PCDH11Y: variants seen among roughly 807,000 people sequenced by gnomAD.
PCDH11Y encodes the protein protocadherin 11 Y-linked, also known as protocadherin-11 Y-linked.
For synonymous variants in PCDH11Y, 9 were observed against 83.6 expected (o/e 0.11, Z 4.87); for missense variants, 12 against 224.8 (o/e 0.05, Z 6.05).
intron 4 of PCDH11Y, among the ~76,000 whole-genome samples, chrY:5,714,413 C>T (rs2053588921): frequency 3.0e-5 from 1 of 33,302 alleles, no homozygotes; most frequent in Non-Finnish European, 7.4e-5. Flanking sequence ...TGTGGCTACA[C>T]TTAAAGGCTT....
chrY:5,323,635 A>T, intron 2 of PCDH11Y, among the ~76,000 whole-genome samples: 2 of 34,178 alleles, frequency 5.9e-5, no homozygotes, highest in Non-Finnish European at 1.5e-4. Flanking sequence ...TTACCAAAAC[A>T]TCTCTAAAAA....
chrY:5,557,787 T>G, intron 3 of PCDH11Y, among the ~76,000 whole-genome samples: 1 of 32,395 alleles, frequency 3.1e-5, no homozygotes, highest in East Asian at 8.2e-4. Flanking sequence ...TTTTGTCCAT[T>G]TAATATGATG....
chrY:5,369,884 A>G (rs1475898270), intron 2 of PCDH11Y, among the ~76,000 whole-genome samples: 1 of 32,690 alleles, frequency 3.1e-5, no homozygotes, highest in Non-Finnish European at 7.5e-5. Flanking sequence ...CCTCCTCAAC[A>G]GTTATTCTTC....
intron 3 of PCDH11Y, among the ~76,000 whole-genome samples, chrY:5,567,061 G>GT (rs2053435814): frequency 5.6e-3 from 152 of 27,319 alleles, no homozygotes; most frequent in South Asian, 0.03. Context: ...ATGAGATTAT[G>GT]TTTTTTTTTT....
At chrY:5,338,397 G>A (rs2053140732) in intron 2 of PCDH11Y, 2 of 384,250 alleles carry the variant, frequency 5.2e-6, no homozygotes, top group African/African-American at 6.5e-5. Context: ...TTGAATCCAC[G>A]GCTTAACATT....
At chrY:5,649,930 A>T (rs2053529853) in intron 4 of PCDH11Y, among the ~76,000 whole-genome samples, 1 of 32,634 alleles carries the variant, frequency 3.1e-5, no homozygotes, top group Non-Finnish European at 7.6e-5. Flanking sequence ...GTTTTTTTTC[A>T]TGTCTTCTAA....
chrY:5,443,377 T>C, intron 2 of PCDH11Y, among the ~76,000 whole-genome samples: 2 of 33,225 alleles, frequency 6.0e-5, no homozygotes, highest in African/African-American at 1.2e-4. Context: ...ATTTACTTGT[T>C]GTAGAAACTG....
At chrY:5,360,820 G>A (rs2053173983) in intron 2 of PCDH11Y, among the ~76,000 whole-genome samples, 71 of 32,352 alleles carry the variant, frequency 2.2e-3, no homozygotes, top group African/African-American at 8.3e-3. Flanking sequence ...TTTGGGGGAA[G>A]CTTATTCCAA....
At chrY:5,647,604 T>G (rs2053528310) in intron 4 of PCDH11Y, among the ~76,000 whole-genome samples, 1 of 33,688 alleles carries the variant, frequency 3.0e-5, no homozygotes, top group South Asian at 6.6e-4. Flanking sequence ...CCTCCTGGAT[T>G]CAAGTGATTC....
intron 2 of PCDH11Y, among the ~76,000 whole-genome samples, chrY:5,242,875 C>G: frequency 3.0e-5 from 1 of 33,171 alleles, no homozygotes; most frequent in Non-Finnish European, 7.4e-5. Flanking sequence ...GTTATAAGAA[C>G]AAAAAATCAA....
At chrY:5,343,543 A>G (rs2053149014) in intron 2 of PCDH11Y, among the ~76,000 whole-genome samples, 9 of 32,979 alleles carry the variant, frequency 2.7e-4, no homozygotes, top group Non-Finnish European at 4.5e-4. Context: ...GTGAGCCACC[A>G]CGCCCGGCCA....
At chrY:5,658,487 A>G in intron 4 of PCDH11Y, among the ~76,000 whole-genome samples, 1 of 33,344 alleles carries the variant, frequency 3.0e-5, no homozygotes, top group South Asian at 6.6e-4. Flanking sequence ...CCTAGATCTT[A>G]TAGTTGTACT....
At chrY:5,526,710 G>A (rs1602938295) in intron 3 of PCDH11Y, among the ~76,000 whole-genome samples, 1 of 27,906 alleles carries the variant, frequency 3.6e-5, no homozygotes, top group East Asian at 9.3e-4. Context: ...AGGTATCCAT[G>A]GCTCCTCAAC....
At chrY:5,542,373 T>G in intron 3 of PCDH11Y, among the ~76,000 whole-genome samples, 1 of 32,584 alleles carries the variant, frequency 3.1e-5, no homozygotes, top group Admixed American at 2.8e-4. Flanking sequence ...AATAAACTCC[T>G]GAGAACATAG....
chrY:5,107,864 C>G (rs1393760245), downstream of PCDH11Y, among the ~76,000 whole-genome samples: 3 of 32,313 alleles, frequency 9.3e-5, no homozygotes, highest in Admixed American at 2.8e-4. Context: ...TCGAGACCAT[C>G]CTGGCTAACA....
intron 1 of PCDH11Y, among the ~76,000 whole-genome samples, chrY:5,017,151 G>A: frequency 3.0e-5 from 1 of 33,272 alleles, no homozygotes; most frequent in Admixed American, 2.8e-4. Context: ...TTGTTTGAAT[G>A]AAAATTTATC....
chrY:5,606,108 A>T, intron 4 of PCDH11Y, among the ~76,000 whole-genome samples: 1 of 33,183 alleles, frequency 3.0e-5, no homozygotes, highest in South Asian at 6.8e-4. Flanking sequence ...GAATATGCAA[A>T]CATCTTTATA....
At chrY:5,628,968 G>A (rs2124703456) in intron 4 of PCDH11Y, among the ~76,000 whole-genome samples, 2 of 33,423 alleles carry the variant, frequency 6.0e-5, no homozygotes, top group East Asian at 1.6e-3. Flanking sequence ...CAAAAATCAG[G>A]TTCATAAAAG....
chrY:5,597,351 G>A, intron 4 of PCDH11Y, among the ~76,000 whole-genome samples: 1 of 27,950 alleles, frequency 3.6e-5, no homozygotes, highest in Non-Finnish European at 8.3e-5. Context: ...ATATATATGT[G>A]TGTATATATA....
Sources: allele counts gnomAD v4.1 joint callset (sites outside exome capture counted in the v4.1 genomes callset), GRCh38; gene constraint gnomAD v4.1.1; transcripts MANE v1.5; gene names NCBI Gene and HGNC (gene_info 2026-07-23, HGNC 2026-07-21).